Variants in BCR observed in about 807,000 individuals in gnomAD.
BCR encodes breakpoint cluster region protein.
Under a neutral mutation model 138.6 loss-of-function variants are expected in BCR, and 58 were observed. The ratio of observed to expected loss-of-function variants is 0.42; its 90% CI spans 0.34 to 0.52. The LOEUF is 0.52. BCR is among the 20% of genes least tolerant of loss of function. The pLI, the probability that BCR is intolerant of heterozygous loss-of-function variation, is 0.06. For missense variants in BCR, 1,599 were observed against 1,727.2 expected, an observed-to-expected ratio of 0.93 and a Z score of 1.32; for synonymous variants, 786 against 730.1, an observed-to-expected ratio of 1.08 and a Z score of -1.23.
chr22:23,292,842 G>A (rs1423502827), intron 15 of BCR, among the ~76,000 whole-genome samples: 1 of 152,224 alleles, frequency 6.6e-6, no homozygotes, highest in Non-Finnish European at 1.5e-5. Context: ...ACCCATCCCT[G>A]TCATCACAAA....
chr22:23,258,836 A>T (rs2073324931), intron 2 of BCR, among the ~76,000 whole-genome samples: 1 of 152,144 alleles, frequency 6.6e-6, no homozygotes, highest in Admixed American at 6.5e-5. Flanking sequence ...CGAAAGTGGG[A>T]AAGTGAGTGA....
intron 16 of BCR, among the ~76,000 whole-genome samples, chr22:23,300,625 C>T (rs541629927): frequency 2.0e-5 from 3 of 152,204 alleles, no homozygotes; most frequent in East Asian, 1.9e-4. Flanking sequence ...GGAGACCGCC[C>T]GAAAATGGGT....
intron 5 of BCR, among the ~76,000 whole-genome samples, 185 bp downstream of exon 5, chr22:23,268,700 G>A (rs979418935): frequency 1.3e-4 from 20 of 152,342 alleles, no homozygotes; most frequent in African/African-American, 4.8e-4. Context: ...CGAAGGAGCA[G>A]CCCACAGGGC....
chr22:23,256,243 C>T (rs1038680486), intron 2 of BCR, among the ~76,000 whole-genome samples: 2 of 152,164 alleles, frequency 1.3e-5, no homozygotes, highest in East Asian at 3.9e-4. Flanking sequence ...TCCCTCTCCT[C>T]CTGCACGCCA....
At chr22:23,276,438 C>T (rs1400571408) in intron 8 of BCR, among the ~76,000 whole-genome samples, 1 of 150,928 alleles carries the variant, frequency 6.6e-6, no homozygotes, top group Admixed American at 6.6e-5. Context: ...GGTTGCTTCA[C>T]AAAGGCAGGG....
At chr22:23,289,156 G>C (rs2073753790) in intron 12 of BCR, among the ~76,000 whole-genome samples, 1 of 152,248 alleles carries the variant, frequency 6.6e-6, no homozygotes, top group Admixed American at 6.5e-5. Flanking sequence ...GCCTGTGTTA[G>C]CAGAGGACGG....
chr22:23,181,723 T>C lies in BCR; in HGVS notation c.763T>C (p.Phe255Leu). The C allele has an allele frequency of 2.5e-6, 4 of 1,603,964 alleles. No individual in the cohort carries two copies. Among genetic ancestry groups the C allele is most frequent in the Non-Finnish European group, 3.4e-6 (4 of 1,179,962 alleles). The change falls in exon 1 of 23, where the codon TTC (phenylalanine) becomes CTC (leucine). Residue 255 changes from phenylalanine (F) to leucine (L), a missense_variant. Phe to Leu is a conservative substitution (Grantham distance 22). This residue lies in a region of BCR where 806 missense variants were observed against 635.0 expected (regional missense o/e 1.27). Transcript: ENST00000305877. ...DYEDAELNPR[F>L]LKDNLIDANG... ...CGAGGACGCCGAGTTGAACCCCCGC[T>C]TCCTGAAGGACAACCTGATCGACGC...
At chr22:23,224,801 G>A (rs538395246) in intron 1 of BCR, among the ~76,000 whole-genome samples, 2 of 152,258 alleles carry the variant, frequency 1.3e-5, no homozygotes, top group Admixed American at 1.3e-4. Flanking sequence ...ATAATCGCTT[G>A]AACCCAGAAG....
chr22:23,251,173 C>T (rs1054001117), intron 1 of BCR: 1 of 152,308 alleles, frequency 6.6e-6, no homozygotes, highest in African/African-American at 2.4e-5. Flanking sequence ...TCAACACGCA[C>T]AGAGACAGAA....
At chr22:23,223,699 T>C (rs1483870836) in intron 1 of BCR, among the ~76,000 whole-genome samples, 1 of 152,054 alleles carries the variant, frequency 6.6e-6, no homozygotes, top group East Asian at 1.9e-4. Context: ...TTGGCAAGGG[T>C]CCAGGTGAGT....
At chr22:23,227,523 C>T (rs1004757373) in intron 1 of BCR, among the ~76,000 whole-genome samples, 7 of 152,208 alleles carry the variant, frequency 4.6e-5, no homozygotes, top group African/African-American at 1.4e-4. Flanking sequence ...GTCAGGGAAG[C>T]GTGAGAGATC....
intron 15 of BCR, among the ~76,000 whole-genome samples, chr22:23,293,642 GGGTGCCAGGCAGTGTGCAAAAGGTTCA>G (rs1054246772): frequency 1.1e-4 from 16 of 152,110 alleles, no homozygotes; most frequent in Non-Finnish European, 2.2e-4. Context: ...CAACAAGAGA[GGGTGCCAGGCAGTGTGCAAAAGGTTCA>G]GGTGCCAGGC....
chr22:23,256,429 G>A (rs2073295874), intron 2 of BCR, among the ~76,000 whole-genome samples: 1 of 152,046 alleles, frequency 6.6e-6, no homozygotes, highest in Non-Finnish European at 1.5e-5. Context: ...CTGGCCTGTT[G>A]CGACAACCTG....
intron 16 of BCR, chr22:23,306,031 C>G (rs981749195): frequency 7.9e-5 from 12 of 152,264 alleles, no homozygotes; most frequent in African/African-American, 2.9e-4. Context: ...AGCTGAGGCA[C>G]AGGCCTCATT....
chr22:23,292,696 A>AC, intron 15 of BCR, 58 bp downstream of exon 15: 1 of 1,457,150 alleles, frequency 6.9e-7, no homozygotes, highest in Non-Finnish European at 9.6e-7. Flanking sequence ...GATATTTTCC[A>AC]CTGGAGATAA....
intron 4 of BCR, chr22:23,264,183 T>G: frequency 7.6e-7 from 1 of 1,312,476 alleles, no homozygotes; most frequent in South Asian, 1.2e-5. Flanking sequence ...TGCCACAGGT[T>G]CCTCCTTCTA....
At chr22:23,263,450 G>T (rs2146278732) in intron 4 of BCR, 3 of 1,412,008 alleles carry the variant, frequency 2.1e-6, no homozygotes, top group East Asian at 4.6e-5. Context: ...GCCGAGAGGG[G>T]ATTCTGCTGA....
chr22:23,287,545 A>T (rs1168274136), intron 11 of BCR, among the ~76,000 whole-genome samples: 1 of 152,176 alleles, frequency 6.6e-6, no homozygotes, highest in Non-Finnish European at 1.5e-5. Context: ...GTTTGTGCAG[A>T]TCTGGCCCTT....
intron 1 of BCR, among the ~76,000 whole-genome samples, chr22:23,223,783 C>T (rs898104831): frequency 2.6e-5 from 4 of 152,160 alleles, no homozygotes; most frequent in South Asian, 2.1e-4. Flanking sequence ...GTTTTCACAC[C>T]GCCTCTCCTC....
Sources: allele counts gnomAD v4.1 joint callset (sites outside exome capture counted in the v4.1 genomes callset), GRCh38; gene constraint gnomAD v4.1.1; regional missense constraint gnomAD v4.1.1; transcripts MANE v1.5; gene names NCBI Gene and HGNC (gene_info 2026-07-23, HGNC 2026-07-21).